Variants in ZNF783 observed in about 807,000 individuals in gnomAD.
ZNF783 encodes the protein protein ZNF783.
Under a neutral mutation model 31.3 loss-of-function variants are expected in ZNF783, and 25 were observed. The ratio of observed to expected loss-of-function variants is 0.80; its 90% confidence interval spans 0.58 to 1.11. ZNF783 has a LOEUF of 1.11. Among genes scored for constraint, ZNF783 ranks in the 50% most tolerant of loss-of-function variants. The probability of loss-of-function intolerance (pLI) is 0.00; values close to 1 mark genes in which losing one functional copy is unlikely to be tolerated. For missense variants in ZNF783, 797 were observed against 760.0 expected, an observed-to-expected ratio of 1.05 and a Z score of -0.57; for synonymous variants, 369 against 319.1, an observed-to-expected ratio of 1.16 and a Z score of -1.66.
chr7:149,267,053 G>A lies in ZNF783; in HGVS notation c.548-44G>A, dbSNP rs369291305. 76 of 1,607,660 alleles carry A rather than the reference G, an allele frequency of 4.7e-5. No homozygotes were observed. The African/African-American group carries it at 9.9e-4, about 21-fold the overall frequency. On this transcript the variant is annotated intron_variant, in intron 3 of 5. Coordinates refer to ENST00000434415, the MANE Select transcript of ZNF783 (RefSeq NM_001195220.2). The stretch of plus-strand genomic sequence containing the variant: ...TTTGGGCATCTCTGCATCTCTGTGG[G>A]CATGTGGGGTCCAGCTCTTCCTCAT...
chr7:149,263,125 C>T (rs1413003081), intron 1 of ZNF783, among the ~76,000 whole-genome samples: 1 of 151,724 alleles, frequency 6.6e-6, no homozygotes. Context: ...GACTGGGTTT[C>T]ACTATGTTGG....
In ZNF783 at chr7:149,266,501, T is replaced by A. The variant is rs1401924196; in HGVS notation, c.191T>A (p.Leu64Ter). Residue 64 changes from leucine to a stop codon, truncating the protein, a stop_gained, in exon 2 of 6, where the codon TTG (leucine) becomes TAG (stop). Coordinates refer to ENST00000434415, the MANE Select transcript of ZNF783 (RefSeq NM_001195220.2). LOFTEE classifies it high-confidence loss of function. ...EKKVDSCLTR[L>*]LTLEGRTGTA... ...AAGGTGGATTCCTGCCTGACCCGCT[T>A]GCTGACTCTGGAGGGGCGCACGGGG... The A allele has an allele frequency of 6.2e-7, 1 of 1,613,724 alleles. No individual in the cohort carries two copies. The highest frequency in any genetic ancestry group is 1.3e-5 in the African/African-American group (1 of 74,920).
intron 1 of ZNF783, among the ~76,000 whole-genome samples, chr7:149,264,549 C>A (rs1797016976): frequency 6.6e-6 from 1 of 152,086 alleles, no homozygotes; most frequent in African/African-American, 2.4e-5. Context: ...AAGCAGGGTA[C>A]TGAAATGATC....
intron 4 of ZNF783, among the ~76,000 whole-genome samples, chr7:149,273,510 G>T (rs1797256565): frequency 6.6e-6 from 1 of 151,474 alleles, no homozygotes; most frequent in Admixed American, 6.6e-5. Context: ...CGATTATGTT[G>T]AGCACCTTTT....
At chr7:149,273,120 A>G (rs941307030) in intron 4 of ZNF783, among the ~76,000 whole-genome samples, 9 of 151,614 alleles carry the variant, frequency 5.9e-5, no homozygotes, top group Admixed American at 5.9e-4. Flanking sequence ...TATTGTGTAT[A>G]TGTACCACCT....
intron 4 of ZNF783, among the ~76,000 whole-genome samples, chr7:149,271,050 T>G (rs1486470434): frequency 1.3e-5 from 2 of 152,210 alleles, no homozygotes; most frequent in East Asian, 1.9e-4. Flanking sequence ...GCCATTCTCC[T>G]GCCTCAGCCT....
At chr7:149,276,374 C>T in intron 4 of ZNF783, 20 of 988,840 alleles carry the variant, frequency 2.0e-5, no homozygotes, top group Non-Finnish European at 2.3e-5. Flanking sequence ...GATGAAACTT[C>T]AGAGGATGAT....
chr7:149,264,935 C>G (rs1485957993), intron 1 of ZNF783, among the ~76,000 whole-genome samples: 1 of 124,106 alleles, frequency 8.1e-6, no homozygotes, highest in Non-Finnish European at 1.7e-5. Flanking sequence ...CGGGGAGAAG[C>G]CTGGAAGTAG....
chr7:149,270,209 C>T (rs1003044739), intron 4 of ZNF783, among the ~76,000 whole-genome samples: 28 of 152,204 alleles, frequency 1.8e-4, no homozygotes, highest in African/African-American at 6.8e-4. Context: ...CTTACCCCAG[C>T]AACATTTATT....
At chr7:149,269,631 T>A (rs1797164155) in intron 4 of ZNF783, among the ~76,000 whole-genome samples, 1 of 152,252 alleles carries the variant, frequency 6.6e-6, no homozygotes, top group South Asian at 2.1e-4. Flanking sequence ...TTCATTCTTC[T>A]GCACATGTCT....
chr7:149,262,900 T>TA (rs1796968504), intron 1 of ZNF783, among the ~76,000 whole-genome samples: 1 of 152,164 alleles, frequency 6.6e-6, no homozygotes, highest in African/African-American at 2.4e-5. Flanking sequence ...TAGATTTTTT[T>TA]AAAAAAGATT....
intron 4 of ZNF783, chr7:149,278,066 G>C (rs1797374900): frequency 1.2e-6 from 1 of 829,250 alleles, no homozygotes; most frequent in South Asian, 3.0e-5. Context: ...CCCGACTGCG[G>C]GAGGTGGTGA....
At chr7:149,278,357 A>G (rs1410627402) in intron 4 of ZNF783, 42 bp from the exon 5 acceptor site, 2 of 1,596,324 alleles carry the variant, frequency 1.3e-6, no homozygotes, top group Non-Finnish European at 1.7e-6. Context: ...TGGGCAGGAG[A>G]CCTCCATGTT....
At chr7:149,262,710 G>A (rs1796958681) in intron 1 of ZNF783, among the ~76,000 whole-genome samples, 2 of 152,204 alleles carry the variant, frequency 1.3e-5, no homozygotes, top group Admixed American at 1.3e-4. Context: ...GCGGGCAGGG[G>A]CCGCCAGCCC....
intron 1 of ZNF783, among the ~76,000 whole-genome samples, chr7:149,264,158 T>C (rs994430299): frequency 6.6e-6 from 1 of 152,246 alleles, no homozygotes; most frequent in Non-Finnish European, 1.5e-5. Context: ...ACAGAATTTT[T>C]CTCCTGGAGA....
intron 1 of ZNF783, 133 bp downstream of exon 1, chr7:149,262,490 G>A: frequency 1.3e-6 from 1 of 784,088 alleles, no homozygotes; most frequent in Non-Finnish European, 1.7e-6. Context: ...CGTTGCCCCC[G>A]GCCCATCGCC....
intron 4 of ZNF783, among the ~76,000 whole-genome samples, chr7:149,274,889 A>G (rs1202851747): frequency 6.6e-6 from 1 of 151,986 alleles, no homozygotes; most frequent in Non-Finnish European, 1.5e-5. Context: ...CAGGTTTTTC[A>G]TGGTTCTGTA....
intron 4 of ZNF783, among the ~76,000 whole-genome samples, chr7:149,271,191 G>A (rs982733933): frequency 2.6e-5 from 4 of 152,210 alleles, no homozygotes; most frequent in Non-Finnish European, 5.9e-5. Flanking sequence ...GCCTGCCTCG[G>A]CCTTCCAAAG....
In ZNF783 at chr7:149,283,176, G is replaced by C. The variant is rs1265271505; in HGVS notation, c.*833G>C. 1.3e-5 allele frequency: 2 copies of C among 152,080 alleles called. No homozygotes were observed. Among genetic ancestry groups the C allele is most frequent in the Admixed American group, 1.3e-4 (2 of 15,262 alleles). The allele number at this position is 152,080 out of a possible 1,614,324, so 9.4% of individuals were successfully genotyped here. ...AGTAGAGACAGGGTTTCATCATGTT[G>C]TCCAGACTGGTCTCGAACTCCTGAT... On this transcript the variant is annotated 3_prime_UTR_variant, in exon 6 of 6. Transcript: ENST00000434415.
Sources: gnomAD v4.1 joint callset for allele counts (sites outside exome capture counted in the v4.1 genomes callset) on GRCh38, gnomAD v4.1.1 for gene constraint, MANE v1.5 for transcripts, NCBI Gene and HGNC (gene_info 2026-07-23, HGNC 2026-07-21) for gene names.